The following NBAS variants were observed in gnomAD, a reference collection of about 807,000 sequenced individuals.
NBAS encodes NBAS subunit of NRZ tethering complex.
NBAS carries 219 observed loss-of-function variants against 302.5 expected under a neutral mutation model. The observed-to-expected ratio is 0.72, with a 90% CI of 0.65 to 0.81. The LOEUF (loss-of-function observed/expected upper bound fraction) is 0.81, where lower values mean the gene tolerates loss of function less well. NBAS is among the 30% of genes least tolerant of loss of function. The pLI is 0.00. For synonymous variants in NBAS, 1,118 were observed against 1,021.6 expected (o/e 1.09, Z -1.80); for missense variants, 2,932 against 2,841.6 (o/e 1.03, Z -0.72).
At chr2:15,409,389 C>A (rs1431514665) in intron 25 of NBAS, among the ~76,000 whole-genome samples, 1 of 152,182 alleles carries the variant, frequency 6.6e-6, no homozygotes, top group Admixed American at 6.5e-5. Context: ...AGTCTCTCTT[C>A]CTGGAATGCT....
intron 31 of NBAS, among the ~76,000 whole-genome samples, chr2:15,372,699 A>G (rs1350201160): frequency 6.6e-6 from 1 of 152,224 alleles, no homozygotes; most frequent in East Asian, 1.9e-4. Context: ...CTGTCAAGAC[A>G]TGAAAGCAAA....
chr2:15,219,478 G>A (rs1269327952), intron 47 of NBAS, among the ~76,000 whole-genome samples: 6 of 135,588 alleles, frequency 4.4e-5, no homozygotes, highest in South Asian at 2.6e-4. Flanking sequence ...GCGGCCTTCC[G>A]CAGTGTTTGT....
At chr2:15,159,706 T>C in the NBAS span, among the ~76,000 whole-genome samples, 1 of 152,078 alleles carries the variant, frequency 6.6e-6, no homozygotes, top group Non-Finnish European at 1.5e-5. Flanking sequence ...AACGTGAATA[T>C]TAATACTTAA....
chr2:14,986,196 C>T, the NBAS span, among the ~76,000 whole-genome samples: 2,867 of 151,804 alleles, frequency 0.019, 98 homozygotes, highest in African/African-American at 0.067. Context: ...GTTTAAATCC[C>T]TTACAGGTAT....
At chr2:15,097,343 A>G in the NBAS span, among the ~76,000 whole-genome samples, 1 of 152,156 alleles carries the variant, frequency 6.6e-6, no homozygotes, top group Non-Finnish European at 1.5e-5. Flanking sequence ...CCCAGGCCAC[A>G]GTGGAGGCTG....
the NBAS span, among the ~76,000 whole-genome samples, chr2:14,795,852 A>C: frequency 6.6e-6 from 1 of 152,176 alleles, no homozygotes; most frequent in Non-Finnish European, 1.5e-5. Context: ...TATTGCAAAC[A>C]TCTCCTGGCG....
the NBAS span, among the ~76,000 whole-genome samples, chr2:14,990,495 A>G: frequency 6.6e-6 from 1 of 152,152 alleles, no homozygotes; most frequent in Non-Finnish European, 1.5e-5. Flanking sequence ...AAATGCAAAA[A>G]CAGGTTTGCA....
intron 21 of NBAS, among the ~76,000 whole-genome samples, chr2:15,460,108 G>A (rs536847197): frequency 4.6e-5 from 7 of 152,304 alleles, no homozygotes; most frequent in Non-Finnish European, 1.0e-4. Context: ...AGGGAGGAAT[G>A]AGGAAACCAA....
intron 23 of NBAS, among the ~76,000 whole-genome samples, chr2:15,419,404 AGTGT>A (rs139124907): frequency 2.7e-5 from 4 of 149,826 alleles, no homozygotes; most frequent in African/African-American, 7.4e-5. Flanking sequence ...TGTGTGTATG[AGTGT>A]GTGTGTGTGT....
At chr2:15,119,994 C>T in the NBAS span, among the ~76,000 whole-genome samples, 1 of 152,186 alleles carries the variant, frequency 6.6e-6, no homozygotes, top group South Asian at 2.1e-4. Flanking sequence ...CAGTCTCTGC[C>T]TCTACCAGTG....
At chr2:15,547,786 T>C (rs1193616038) in intron 6 of NBAS, among the ~76,000 whole-genome samples, 2 of 152,188 alleles carry the variant, frequency 1.3e-5, no homozygotes, top group African/African-American at 4.8e-5. Flanking sequence ...TGGCAACTTC[T>C]TGACCTTTAC....
At chr2:15,337,375 T>C (rs902338088) in intron 35 of NBAS, among the ~76,000 whole-genome samples, 24 of 151,436 alleles carry the variant, frequency 1.6e-4, no homozygotes, top group African/African-American at 5.6e-4. Flanking sequence ...GGGAGATGAG[T>C]GCACCAAAAT....
intron 7 of NBAS, 83 bp from the exon 8 acceptor site, chr2:15,536,634 T>C (rs1663533522): frequency 2.6e-6 from 3 of 1,171,394 alleles, no homozygotes; most frequent in African/African-American, 1.5e-5. Context: ...GAATATCTGA[T>C]ACACTGGCTT....
chr2:15,051,896 T>TC, the NBAS span, among the ~76,000 whole-genome samples: 271 of 152,230 alleles, frequency 1.8e-3, 4 homozygotes, highest in African/African-American at 6.2e-3. Context: ...AACCCCTACC[T>TC]CTTTTTTTTT....
chr2:14,997,524 A>G, the NBAS span, among the ~76,000 whole-genome samples: 5 of 151,638 alleles, frequency 3.3e-5, no homozygotes, highest in African/African-American at 1.2e-4. Context: ...TAAATTTAAG[A>G]TGTACAACAT....
At chr2:15,411,452 T>C (rs1205681563) in intron 25 of NBAS, among the ~76,000 whole-genome samples, 1 of 152,202 alleles carries the variant, frequency 6.6e-6, no homozygotes, top group Non-Finnish European at 1.5e-5. Flanking sequence ...TTTTAATGAG[T>C]ACTTCTAAAT....
chr2:15,196,765 T>C (rs1185645842), intron 48 of NBAS, among the ~76,000 whole-genome samples: 1 of 152,216 alleles, frequency 6.6e-6, no homozygotes, highest in African/African-American at 2.4e-5. Flanking sequence ...TTATCACTTC[T>C]ACCTGCCTTT....
At chr2:14,846,821 C>T in the NBAS span, among the ~76,000 whole-genome samples, 1 of 151,022 alleles carries the variant, frequency 6.6e-6, no homozygotes, top group Non-Finnish European at 1.5e-5. Flanking sequence ...AAAATGGACA[C>T]ACAAAAAAAT....
chr2:14,792,677 A>T, the NBAS span, among the ~76,000 whole-genome samples: 8,108 of 150,216 alleles, frequency 0.054, 228 homozygotes, highest in Non-Finnish European at 0.06. Context: ...ATGGAAATTA[A>T]AAAAAAAAAT....
Sources: gnomAD v4.1 joint callset for allele counts (sites outside exome capture counted in the v4.1 genomes callset) on GRCh38, gnomAD v4.1.1 for gene constraint, MANE v1.5 for transcripts, NCBI Gene and HGNC (gene_info 2026-07-23, HGNC 2026-07-21) for gene names.